FAF1: variants seen among roughly 807,000 people sequenced by gnomAD.
The protein encoded by FAF1 is Fas associated factor 1.
In FAF1, 25 loss-of-function variants were observed where a neutral mutation model predicts 92.5. The observed-to-expected ratio is 0.27, with a 90% CI of 0.20 to 0.38. The LOEUF is 0.38. Ranked by LOEUF, FAF1 falls within the 10% of genes least tolerant of loss-of-function variation. The probability of loss-of-function intolerance (pLI) is 1.00; values close to 1 mark genes in which losing one functional copy is unlikely to be tolerated. For missense variants in FAF1, 636 were observed against 793.3 expected, an observed-to-expected ratio of 0.80 and a Z score of 2.38; for synonymous variants, 234 against 273.2, an observed-to-expected ratio of 0.86 and a Z score of 1.42.
At chr1:50,919,041 A>G (rs1644942289) in intron 1 of FAF1, among the ~76,000 whole-genome samples, 1 of 152,352 alleles carries the variant, frequency 6.6e-6, no homozygotes, top group South Asian at 2.1e-4. Context: ...TTACTCATCA[A>G]TAAAGGCAGA....
intron 15 of FAF1, among the ~76,000 whole-genome samples, chr1:50,493,885 T>G (rs536485696): frequency 1.3e-5 from 2 of 152,318 alleles, no homozygotes; most frequent in South Asian, 4.1e-4. Context: ...ACGGACCTTC[T>G]AAAAGCAATC....
intron 12 of FAF1, among the ~76,000 whole-genome samples, chr1:50,580,568 A>G (rs1650943574): frequency 6.6e-6 from 1 of 151,904 alleles, no homozygotes; most frequent in South Asian, 2.1e-4. Context: ...ATAAAAAGTT[A>G]AAATACTATA....
At chr1:50,659,049 C>T (rs1003507774) in intron 7 of FAF1, among the ~76,000 whole-genome samples, 2 of 151,762 alleles carry the variant, frequency 1.3e-5, no homozygotes, top group Admixed American at 6.6e-5. Context: ...CATAATCCTG[C>T]AGGGAAGAAA....
At chr1:50,598,413 G>A (rs1219994601) in intron 8 of FAF1, among the ~76,000 whole-genome samples, 1 of 143,668 alleles carries the variant, frequency 7.0e-6, no homozygotes, top group Non-Finnish European at 1.5e-5. Flanking sequence ...AGAGAACTGA[G>A]ATCATGCCAC....
intron 2 of FAF1, among the ~76,000 whole-genome samples, chr1:50,847,909 C>A (rs1428811119): frequency 1.3e-5 from 2 of 151,758 alleles, no homozygotes; most frequent in Non-Finnish European, 2.9e-5. Context: ...ACACACACCC[C>A]TCTAGGCATA....
chr1:50,580,768 T>C (rs1650953692), intron 12 of FAF1, among the ~76,000 whole-genome samples: 1 of 152,214 alleles, frequency 6.6e-6, no homozygotes, highest in Non-Finnish European at 1.5e-5. Flanking sequence ...TCTTTGCTTT[T>C]CGGTATTTTC....
In FAF1 at chr1:50,929,508, A is replaced by G. The variant is rs576721270; in HGVS notation, c.45+30259T>C. 3.9e-5 allele frequency among the ~76,000 whole-genome samples: 6 copies of G among 152,336 alleles called. No individual in the cohort carries two copies. In the South Asian group the frequency reaches 1.2e-3, roughly 32 times the overall value. ...AAATTTTACACACTGTTTATATTAT[A>G]TCTTTTGGTAACAAAAACTAGAGAA... On this transcript the variant is annotated intron_variant, in intron 1 of 18. Coordinates refer to ENST00000396153, the MANE Select transcript of FAF1 (RefSeq NM_007051.3).
intron 4 of FAF1, among the ~76,000 whole-genome samples, chr1:50,777,749 A>C (rs1269350049): frequency 1.3e-5 from 2 of 152,090 alleles, no homozygotes; most frequent in Non-Finnish European, 2.9e-5. Flanking sequence ...TTAAGAAAAA[A>C]AAAAAAAAAG....
intron 1 of FAF1, among the ~76,000 whole-genome samples, chr1:50,900,674 C>G (rs530705418): frequency 6.6e-6 from 1 of 152,172 alleles, no homozygotes; most frequent in Non-Finnish European, 1.5e-5. Context: ...GCTCACAGCA[C>G]ATGCTCAGTA....
chr1:50,781,319 A>C (rs774939074), intron 4 of FAF1, among the ~76,000 whole-genome samples: 4 of 152,048 alleles, frequency 2.6e-5, no homozygotes, highest in Non-Finnish European at 5.9e-5. Context: ...AAAAAAAGAT[A>C]CTCCATGGGA....
chr1:50,702,155 C>G (rs1423831912), intron 7 of FAF1, among the ~76,000 whole-genome samples: 1 of 152,018 alleles, frequency 6.6e-6, no homozygotes, highest in East Asian at 1.9e-4. Flanking sequence ...GAAAAGTTGG[C>G]TTGATTTCAG....
In FAF1 at chr1:50,441,436, G is replaced by A. The variant is rs200710823; in HGVS notation, c.*4C>T. On this transcript the variant is annotated 3_prime_UTR_variant, in exon 19 of 19. Coordinates refer to ENST00000396153, the MANE Select transcript of FAF1 (RefSeq NM_007051.3). ...GAATGGCTGGTTCCACCGCTGGGCC[G>A]TGTTTACTCTTTTGCTTCAAGGAAA... 6.5e-5 allele frequency: 99 copies of A among 1,525,404 alleles called. No homozygotes were observed. The highest frequency in any genetic ancestry group is 1.8e-4 in the Middle Eastern group (1 of 5,568). 94.5% of individuals were successfully genotyped at this position (1,525,404 alleles called of 1,614,324 possible). A position where few individuals can be genotyped will look rare whatever the true frequency, so the allele number is the denominator to read the frequency against.
intron 8 of FAF1, among the ~76,000 whole-genome samples, chr1:50,627,614 C>T (rs1379989565): frequency 2.0e-5 from 3 of 151,940 alleles, no homozygotes; most frequent in African/African-American, 7.2e-5. Context: ...ACAAATAGTA[C>T]ATACCGCATG....
rs1007196685 is a variant in FAF1, at chr1:50,738,875, G to C, written c.539C>G (p.Ser180Cys). 2 of 1,603,276 alleles carry C rather than the reference G, an allele frequency of 1.2e-6. No homozygotes were observed. The highest frequency in any genetic ancestry group is 1.7e-6 in the Non-Finnish European group (2 of 1,172,316). ...LTPDLPPPSS[S>C]SHAGALQESL... ...ATAAACAACTTACCCAGCATGACTA[G>C]ATGATGAAGGTGGTGGCAAATCTGG... The change falls in exon 6 of 19, where the codon TCT (serine) becomes TGT (cysteine). Residue 180 changes from serine (S) to cysteine (C), a missense_variant. Physicochemically the swap from Ser to Cys is moderately radical, Grantham distance 112 (BLOSUM62 -1). This residue lies in a region of FAF1 where 317 missense variants were observed against 342.4 expected (regional missense o/e 0.93). Transcript: ENST00000396153.
chr1:50,453,522 C>T (rs926177814), intron 18 of FAF1, among the ~76,000 whole-genome samples: 2 of 152,200 alleles, frequency 1.3e-5, no homozygotes, highest in African/African-American at 4.8e-5. Flanking sequence ...GCAGCACGTT[C>T]AATATCTTAA....
At chr1:50,517,233 T>C (rs1647250836) in intron 15 of FAF1, among the ~76,000 whole-genome samples, 1 of 152,174 alleles carries the variant, frequency 6.6e-6, no homozygotes, top group Non-Finnish European at 1.5e-5. Flanking sequence ...CCTTACATAC[T>C]GGATACCCCC....
chr1:50,612,311 C>T (rs1302322833), intron 8 of FAF1: 1 of 1,177,176 alleles, frequency 8.5e-7, no homozygotes, highest in South Asian at 1.4e-5. Flanking sequence ...TCTTCAGTTA[C>T]AATGAAAAGG....
In FAF1 at chr1:50,787,901, C is replaced by T. The variant is rs878892399; in HGVS notation, c.367+99G>A. On this transcript the variant is annotated intron_variant, in intron 4 of 18. Transcript: ENST00000396153. ...TACCAGTTTCAACTTGCTTTTTTTC[C>T]CTTCTTGCACTGGTAGTCAACTAGA... 6.2e-5 allele frequency: 60 copies of T among 968,116 alleles called. 1 individual carries two copies. Among genetic ancestry groups the T allele is most frequent in the South Asian group, 1.3e-4 (8 of 63,154 alleles). 60.0% of individuals were successfully genotyped at this position (968,116 alleles called of 1,614,324 possible). A position where few individuals can be genotyped will look rare whatever the true frequency, so the allele number is the denominator to read the frequency against.
chr1:50,581,774 G>C (rs1650995677), intron 12 of FAF1, among the ~76,000 whole-genome samples: 1 of 152,090 alleles, frequency 6.6e-6, no homozygotes, highest in Non-Finnish European at 1.5e-5. Flanking sequence ...CTAGCAGTGG[G>C]GAAGCATGAA....
Sources: allele counts gnomAD v4.1 joint callset (sites outside exome capture counted in the v4.1 genomes callset), GRCh38; gene constraint gnomAD v4.1.1; regional missense constraint gnomAD v4.1.1; transcripts MANE v1.5; gene names NCBI Gene and HGNC (gene_info 2026-07-23, HGNC 2026-07-21).